PHLDB2: variants seen among roughly 807,000 people sequenced by gnomAD.
The protein encoded by PHLDB2 is pleckstrin homology-like domain family B member 2.
A neutral mutation model predicts 123.6 loss-of-function variants in PHLDB2; 71 were observed. The observed-to-expected ratio is 0.57, with a 90% CI of 0.47 to 0.70. PHLDB2 has a LOEUF of 0.70. Among genes scored for constraint, PHLDB2 ranks in the 30% least tolerant of loss-of-function variants. PHLDB2 has a pLI of 0.00. For missense variants in PHLDB2, 1,446 were observed against 1,519.5 expected (o/e 0.95, Z 0.80); for synonymous variants, 547 against 541.6 (o/e 1.01, Z -0.14).
At chr3:111,839,933 A>AC (rs2063597997) in intron 1 of PHLDB2, among the ~76,000 whole-genome samples, 1 of 44,962 alleles carries the variant, frequency 2.2e-5, no homozygotes, top group Non-Finnish European at 4.7e-5. Flanking sequence ...AAAGCCCCCC[A>AC]CCCCCGCTTT....
chr3:111,924,827 C>G (rs554231060), intron 5 of PHLDB2, among the ~76,000 whole-genome samples: 7 of 152,102 alleles, frequency 4.6e-5, no homozygotes, highest in African/African-American at 9.7e-5. Context: ...CCATTCAAAT[C>G]TTTTGTTTTT....
intron 1 of PHLDB2, among the ~76,000 whole-genome samples, chr3:111,820,238 T>C (rs758345071): frequency 2.6e-5 from 4 of 152,224 alleles, no homozygotes; most frequent in Non-Finnish European, 4.4e-5. Flanking sequence ...AGAGATGGTC[T>C]AGAGTACAAA....
intron 2 of PHLDB2, among the ~76,000 whole-genome samples, chr3:111,889,018 GA>G (rs2107357064): frequency 6.6e-6 from 1 of 152,238 alleles, no homozygotes; most frequent in East Asian, 1.9e-4. Flanking sequence ...ACACATCACA[GA>G]ACATAATTAC....
At chr3:111,815,371 G>A (rs1427883220) in intron 1 of PHLDB2, among the ~76,000 whole-genome samples, 3 of 152,156 alleles carry the variant, frequency 2.0e-5, no homozygotes, top group Non-Finnish European at 1.5e-5. Flanking sequence ...GAAAATGTGG[G>A]AAAGTTTGGA....
At chr3:111,929,089 C>G (rs2068967115) in intron 5 of PHLDB2, among the ~76,000 whole-genome samples, 1 of 152,008 alleles carries the variant, frequency 6.6e-6, no homozygotes, top group South Asian at 2.1e-4. Flanking sequence ...TAATGAGACC[C>G]CCATCTCTTC....
intron 3 of PHLDB2, chr3:111,915,880 T>G (rs982254744): frequency 7.2e-5 from 11 of 152,216 alleles, no homozygotes; most frequent in African/African-American, 2.7e-4. Flanking sequence ...GAATCAAAAG[T>G]TGTTGTTCAG....
chr3:111,869,818 A>G (rs938117433), intron 1 of PHLDB2, among the ~76,000 whole-genome samples: 2 of 152,262 alleles, frequency 1.3e-5, no homozygotes, highest in African/African-American at 4.8e-5. Context: ...CCATTAAAAT[A>G]CATTTCTTCC....
At position 111,830,808 on chromosome 3, in the gene PHLDB2, CAAAAAAA is replaced by C. The variant is rs11475835; in HGVS notation, c.-48-14995_-48-14989del. ...TGGGCGACAGAGCGAGACTCCGTCT[CAAAAAAA>C]AAAAAAAAAAAAAAAAAGGCAGCAC... On this transcript the variant is annotated intron_variant, in intron 1 of 17. Coordinates refer to the PHLDB2 transcript ENST00000393923. Among the ~76,000 whole-genome samples the C allele has an allele frequency of 5.6e-5, 3 of 53,344 alleles. No homozygotes were observed. The South Asian group carries it at 3.0e-3, about 53-fold the overall frequency. The allele number at this position is 53,344 out of a possible 152,430, so 35.0% of individuals were successfully genotyped here.
At chr3:111,761,505 C>T (rs1157013604) in intron 1 of PHLDB2, among the ~76,000 whole-genome samples, 1 of 152,196 alleles carries the variant, frequency 6.6e-6, no homozygotes, top group Non-Finnish European at 1.5e-5. Flanking sequence ...GGCAGAAACT[C>T]AGAAGAGAAT....
At chr3:111,887,300 A>G (rs2066228496) in intron 2 of PHLDB2, among the ~76,000 whole-genome samples, 1 of 151,948 alleles carries the variant, frequency 6.6e-6, no homozygotes, top group Non-Finnish European at 1.5e-5. Flanking sequence ...GAAGTTATAT[A>G]TTTTTTCTTT....
intron 1 of PHLDB2, among the ~76,000 whole-genome samples, chr3:111,734,479 G>T (rs549514971): frequency 6.6e-6 from 1 of 152,270 alleles, no homozygotes; most frequent in Non-Finnish European, 1.5e-5. Flanking sequence ...GGCTGCCTTA[G>T]GGACAGACAC....
At chr3:111,800,385 G>A (rs1472643270) in intron 1 of PHLDB2, among the ~76,000 whole-genome samples, 2 of 152,210 alleles carry the variant, frequency 1.3e-5, no homozygotes, top group Admixed American at 6.5e-5. Flanking sequence ...TATACCCTCT[G>A]TGCCTTTTGA....
At chr3:111,777,963 C>T (rs2060296025) in intron 1 of PHLDB2, among the ~76,000 whole-genome samples, 1 of 151,706 alleles carries the variant, frequency 6.6e-6, no homozygotes, top group Non-Finnish European at 1.5e-5. Flanking sequence ...GACCATTTAA[C>T]AAACTCCAGC....
intron 5 of PHLDB2, among the ~76,000 whole-genome samples, chr3:111,930,526 G>A (rs1424724792): frequency 1.3e-5 from 2 of 152,050 alleles, no homozygotes; most frequent in African/African-American, 4.8e-5. Context: ...TGTGTAAATA[G>A]GGCAATCTTT....
intron 1 of PHLDB2, among the ~76,000 whole-genome samples, chr3:111,740,958 A>C (rs891446510): frequency 3.3e-5 from 5 of 152,094 alleles, no homozygotes; most frequent in African/African-American, 1.2e-4. Flanking sequence ...CTAAAAACAA[A>C]GAAATATGAA....
In PHLDB2 at chr3:111,860,015, C is replaced by T. The variant is rs761812428; in HGVS notation, c.-15+439C>T. 4.8e-4 allele frequency: 240 copies of T among 502,762 alleles called. 1 individual carries two copies. Among genetic ancestry groups the T allele is most frequent in the South Asian group, 8.7e-4 (10 of 11,542 alleles). 31.1% of individuals were successfully genotyped at this position (502,762 alleles called of 1,614,324 possible). A position where few individuals can be genotyped will look rare whatever the true frequency, so the allele number is the denominator to read the frequency against. Reference sequence around the variant, plus strand: ...GGCGAACCCCGTTGTGCATGACTCTCGGGGGGCTGGGTAGATCTCCGGTTG... The same window carrying T: ...GGCGAACCCCGTTGTGCATGACTCTTGGGGGGCTGGGTAGATCTCCGGTTG... On this transcript the variant is annotated intron_variant, in intron 1 of 17. Transcript: ENST00000431670.
chr3:111,906,850 C>G (rs2067570082), intron 2 of PHLDB2, among the ~76,000 whole-genome samples: 1 of 152,164 alleles, frequency 6.6e-6, no homozygotes, highest in South Asian at 2.1e-4. Context: ...CTCTTTCCAG[C>G]TCAGCCCTAC....
intron 10 of PHLDB2, among the ~76,000 whole-genome samples, chr3:111,950,820 G>T (rs967768006): frequency 2.0e-5 from 3 of 152,192 alleles, no homozygotes; most frequent in African/African-American, 7.2e-5. Flanking sequence ...CACCTGGGCT[G>T]ATATGAAAGG....
At chr3:111,868,859 A>G (rs761416248) in intron 1 of PHLDB2, among the ~76,000 whole-genome samples, 3 of 152,200 alleles carry the variant, frequency 2.0e-5, no homozygotes, top group African/African-American at 7.2e-5. Context: ...GGCTGAAGAG[A>G]GTTATCACAG....
Sources: allele counts gnomAD v4.1 joint callset (sites outside exome capture counted in the v4.1 genomes callset), GRCh38; gene constraint gnomAD v4.1.1; transcripts MANE v1.5; gene names NCBI Gene and HGNC (gene_info 2026-07-23, HGNC 2026-07-21).